ANKRD13D: variants seen among roughly 807,000 people sequenced by gnomAD.
ANKRD13D encodes the protein ankyrin repeat domain 13D, also known as ankyrin repeat domain-containing protein 13D.
Under a neutral mutation model 68.8 loss-of-function variants are expected in ANKRD13D, and 24 were observed. That is an observed-to-expected ratio of 0.35 (90% CI 0.25 to 0.49). ANKRD13D has a LOEUF of 0.49. Among genes scored for constraint, ANKRD13D ranks in the 20% least tolerant of loss-of-function variants. The pLI is 0.99. For missense variants in ANKRD13D, 735 were observed against 832.1 expected, an observed-to-expected ratio of 0.88 and a Z score of 1.44; for synonymous variants, 331 against 336.1, an observed-to-expected ratio of 0.98 and a Z score of 0.16.
chr11:67,291,659 G>A lies in ANKRD13D; in HGVS notation c.454G>A (p.Glu152Lys), dbSNP rs762848094. 32 of 1,614,018 alleles carry A rather than the reference G, an allele frequency of 2.0e-5. No individual in the cohort carries two copies. The highest frequency in any genetic ancestry group is 2.6e-5 in the Non-Finnish European group (31 of 1,180,052). Residue 152 changes from glutamate (E) to lysine (K), a missense_variant, in exon 5 of 15, where the codon GAG (glutamate) becomes AAG (lysine). By Grantham distance (56) the Glu-to-Lys change is moderately conservative (BLOSUM62 1). Coordinates refer to ENST00000511455, the MANE Select transcript of ANKRD13D (RefSeq NM_207354.3). The part of the protein sequence containing the change: ...SDVYRVWKRG[E>K]SLRVDTSLLG... ...TGTGTACCGCGTGTGGAAGCGGGGT[G>A]AGAGCCTGCGAGTAGACACCAGTCT...
chr11:67,292,558 C>T (rs1860608098), intron 6 of ANKRD13D, among the ~76,000 whole-genome samples: 1 of 151,924 alleles, frequency 6.6e-6, no homozygotes, highest in Non-Finnish European at 1.5e-5. Flanking sequence ...GAACCTGACC[C>T]TTCCAGCAAG....
intron 3 of ANKRD13D, 184 bp from the exon 4 acceptor site, chr11:67,291,292 A>C (rs751046958): frequency 2.4e-5 from 15 of 620,724 alleles, no homozygotes; most frequent in African/African-American, 4.0e-5. Context: ...AGGGAGGCAG[A>C]GGTTGCAGTG....
Position 67,299,792 on chromosome 11 carries a change from G to A in ANKRD13D, c.881-35G>A, listed in dbSNP as rs373575344. 1.1e-5 allele frequency: 17 copies of A among 1,534,018 alleles called. No individual in the cohort carries two copies. The highest frequency in any genetic ancestry group is 1.5e-5 in the Non-Finnish European group (17 of 1,140,386). ...GGTGGGCAGGGGCGATGCGAGCATT[G>A]TGACCCCTTACCAGCTCCCACCCCT... On this transcript the variant is annotated intron_variant, in intron 8 of 14. Coordinates refer to ENST00000511455, the MANE Select transcript of ANKRD13D (RefSeq NM_207354.3). The surrounding 1 kb of genome is among the most constrained non-coding windows in gnomAD (Gnocchi z 6.2).
At chr11:67,289,621 G>GCCCCCCCCCCCCCCCCCCCCCCCCCCCC (rs368498130) in intron 1 of ANKRD13D, 71 bp downstream of exon 1, 8 of 808,124 alleles carry the variant, frequency 9.9e-6, no homozygotes, top group African/African-American at 5.4e-5. Flanking sequence ...CCGTCCTGGA[G>GCCCCCCCCCCCCCCCCCCCCCCCCCCCC]CCCCCCCCCC....
chr11:67,289,804 C>G, intron 1 of ANKRD13D: 19 of 1,423,500 alleles, frequency 1.3e-5, no homozygotes, highest in Non-Finnish European at 1.7e-5. Flanking sequence ...AAGCTGAGAA[C>G]AAGAACTCTG....
chr11:67,290,687 A>G, intron 3 of ANKRD13D: 1 of 511,054 alleles, frequency 2.0e-6, no homozygotes, highest in Non-Finnish European at 3.4e-6. Flanking sequence ...CCTCCTGAAG[A>G]ATGCAGATTA....
chr11:67,298,676 A>G (rs992019357), intron 6 of ANKRD13D: 2 of 200,130 alleles, frequency 1.0e-5, no homozygotes, highest in Non-Finnish European at 1.0e-5. Flanking sequence ...ACATCTTGCC[A>G]ATCTTACTGA....
Position 67,300,252 on chromosome 11 carries a change from A to C in ANKRD13D, c.1073+129A>C, listed in dbSNP as rs1860927890. ...TCTCTGGACTCCACTCCTGGAGGGC[A>C]GGAGTCATGTCTGCCTTATCCATGG... On this transcript the variant is annotated intron_variant, in intron 10 of 14. Transcript: ENST00000511455. The surrounding 1 kb of genome is among the most constrained non-coding windows in gnomAD (Gnocchi z 4.3). 7.4e-7 allele frequency: 1 copy of C among 1,349,868 alleles called. No homozygotes were observed. The highest frequency in any genetic ancestry group is 2.4e-5 in the East Asian group (1 of 41,120). The allele number at this position is 1,349,868 out of a possible 1,614,324, so 83.6% of individuals were successfully genotyped here.
rs754633759 is a variant in ANKRD13D, at chr11:67,301,273, T to C, written c.1232-9T>C. ...CCGCCAGGGCTCAGGCGTGGCTGTCTTCTCACAGAGATTCCCCTTTTCCAC... is the reference window on the plus strand; with the variant it reads ...CCGCCAGGGCTCAGGCGTGGCTGTCCTCTCACAGAGATTCCCCTTTTCCAC... On this transcript the variant is annotated splice_polypyrimidine_tract_variant and intron_variant, in intron 11 of 14. Transcript: ENST00000511455. This position sits in a 1 kb window ranked among gnomAD's most constrained non-coding sequence, Gnocchi z 4.5. The C allele has an allele frequency of 1.8e-5, 29 of 1,608,356 alleles. No homozygotes were observed. The East Asian group carries it at 6.2e-4, about 35-fold the overall frequency.
chr11:67,290,846 G>A (rs760709545), intron 3 of ANKRD13D: 10 of 198,512 alleles, frequency 5.0e-5, no homozygotes, highest in Non-Finnish European at 8.4e-5. Flanking sequence ...CAGGCTCGGA[G>A]GGAGCCACTG....
chr11:67,289,314 C>A lies in ANKRD13D; in HGVS notation c.-147C>A. Reference sequence around the variant, plus strand: ...CCGCCGCCCGCCCCGCCCTCCCTGCCGCCCGCGCTGCCGCCGCCGCCGCCG... The same window carrying A: ...CCGCCGCCCGCCCCGCCCTCCCTGCAGCCCGCGCTGCCGCCGCCGCCGCCG... On this transcript the variant is annotated 5_prime_UTR_variant, in exon 1 of 15. Coordinates refer to ENST00000511455, the MANE Select transcript of ANKRD13D (RefSeq NM_207354.3). The A allele has an allele frequency of 3.3e-6, 1 of 298,878 alleles. No homozygotes were observed. Among genetic ancestry groups the A allele is most frequent in the Non-Finnish European group, 4.9e-6 (1 of 205,010 alleles). 18.5% of individuals were successfully genotyped at this position (298,878 alleles called of 1,614,324 possible).
intron 6 of ANKRD13D, 98 bp downstream of exon 6, chr11:67,292,278 C>T (rs1247141483): frequency 3.0e-6 from 4 of 1,353,006 alleles, no homozygotes; most frequent in African/African-American, 2.9e-5. Context: ...CTGGTTCAGG[C>T]CTCTGGGCTC....
rs2134740530 is a variant in ANKRD13D at position 67,300,124 on chromosome 11, G to A, written c.1073+1G>A. The A allele has an allele frequency of 6.2e-7, 1 of 1,613,936 alleles. No homozygotes were observed. The highest frequency in any genetic ancestry group is 8.5e-7 in the Non-Finnish European group (1 of 1,179,916). ...TCGAGATGTCCAGCAAAGTACAGAG[G>A]TGAGGTCTGAGAGCTGGCTGGGGAC... On this transcript the variant is annotated splice_donor_variant, in intron 10 of 14. Transcript: ENST00000511455. LOFTEE classifies it high-confidence loss of function. The surrounding 1 kb of genome is among the most constrained non-coding windows in gnomAD (Gnocchi z 4.3).
chr11:67,299,507 T>C lies in ANKRD13D; in HGVS notation c.799-23T>C. On this transcript the variant is annotated intron_variant, in intron 7 of 14. Coordinates refer to ENST00000511455, the MANE Select transcript of ANKRD13D (RefSeq NM_207354.3). This position sits in a 1 kb window ranked among gnomAD's most constrained non-coding sequence, Gnocchi z 6.2. Reference sequence around the variant, plus strand: ...GGGGAGCAGGCTCTGAGCCCCCAGCTCCCCGTGTCCCCTGCTCCCCAGGTG... The same window carrying C: ...GGGGAGCAGGCTCTGAGCCCCCAGCCCCCCGTGTCCCCTGCTCCCCAGGTG... 6.5e-7 allele frequency: 1 copy of C among 1,546,546 alleles called. No homozygotes were observed. Among genetic ancestry groups the C allele is most frequent in the Non-Finnish European group, 8.7e-7 (1 of 1,143,716 alleles).
Position 67,289,408 on chromosome 11 carries a change from C to A in ANKRD13D, c.-53C>A. 7.6e-7 allele frequency: 1 copy of A among 1,316,514 alleles called. No homozygotes were observed. The highest frequency in any genetic ancestry group is 9.7e-7 in the Non-Finnish European group (1 of 1,026,420). 81.6% of individuals were successfully genotyped at this position (1,316,514 alleles called of 1,614,324 possible). ...GCGGCTCGGAGGGGAGGCTAGGGGG[C>A]CGTGCCAGGCCCGAAGCCGAGGCGG... On this transcript the variant is annotated 5_prime_UTR_variant, in exon 1 of 15. Coordinates refer to ENST00000511455, the MANE Select transcript of ANKRD13D (RefSeq NM_207354.3).
intron 1 of ANKRD13D, 73 bp from the exon 2 acceptor site, chr11:67,290,005 C>T: frequency 1.3e-6 from 2 of 1,485,326 alleles, no homozygotes; most frequent in African/African-American, 1.4e-5. Flanking sequence ...GATTCCCAAC[C>T]CTGCTCGCCC....
At position 67,301,550 on chromosome 11, in the gene ANKRD13D, C is replaced by G; in HGVS notation, c.1411C>G (p.Leu471Val). Residue 471 changes from leucine (L) to valine (V), a missense_variant, in exon 13 of 15, where the codon CTG becomes GTG. By Grantham distance (32) the Leu-to-Val change is conservative (BLOSUM62 1). Coordinates refer to ENST00000511455, the MANE Select transcript of ANKRD13D (RefSeq NM_207354.3). This position sits in a 1 kb window ranked among gnomAD's most constrained non-coding sequence, Gnocchi z 4.5. ...VFEVPNGYSV[L>V]GMERNEPLRD... ...TGAAGTGCCCAACGGGTACAGCGTG[C>G]TGGGCATGGAGCGCAACGAGCCCCT... The G allele has an allele frequency of 5.0e-6, 8 of 1,613,048 alleles. No homozygotes were observed. In the South Asian group the frequency reaches 8.8e-5, roughly 18 times the overall value.
Position 67,300,091 on chromosome 11 carries a change from C to T in ANKRD13D, c.1041C>T (p.Gly347=). ...PNFSLESRNI[G]RPIEMSSKVQ... ...TCAGCCTGGAGTCACGGAACATTGG[C>T]CGCCCCATCGAGATGTCCAGCAAAG... Residue 347 remains glycine, a synonymous_variant, in exon 10 of 15, where the codon GGC becomes GGT. Coordinates refer to ENST00000511455, the MANE Select transcript of ANKRD13D (RefSeq NM_207354.3). This position sits in a 1 kb window ranked among gnomAD's most constrained non-coding sequence, Gnocchi z 4.3. The T allele has an allele frequency of 1.2e-6, 2 of 1,614,038 alleles. No individual in the cohort carries two copies. Among genetic ancestry groups the T allele is most frequent in the Non-Finnish European group, 1.7e-6 (2 of 1,179,960 alleles).
At chr11:67,292,506 G>C (rs964944708) in intron 6 of ANKRD13D, among the ~76,000 whole-genome samples, 1 of 151,964 alleles carries the variant, frequency 6.6e-6, no homozygotes, top group African/African-American at 2.4e-5. Context: ...CTTGTCATTG[G>C]TGCGGCTGTG....
Sources: gnomAD v4.1 joint callset for allele counts (sites outside exome capture counted in the v4.1 genomes callset) on GRCh38, gnomAD v4.1.1 for gene constraint, Gnocchi (gnomAD v3.1) non-coding constraint, MANE v1.5 for transcripts, NCBI Gene and HGNC (gene_info 2026-07-23, HGNC 2026-07-21) for gene names.